FNDC3A: variants seen among roughly 807,000 people sequenced by gnomAD.
The protein encoded by FNDC3A is fibronectin type-III domain-containing protein 3A.
Under a neutral mutation model 148.9 loss-of-function variants are expected in FNDC3A, and 32 were observed. That is an observed-to-expected ratio of 0.21 (90% CI 0.16 to 0.29). The LOEUF (loss-of-function observed/expected upper bound fraction) is 0.29, where lower values mean the gene tolerates loss of function less well. Among genes scored for constraint, FNDC3A ranks in the 10% least tolerant of loss-of-function variants. The pLI is 1.00. For missense variants in FNDC3A, 1,191 were observed against 1,452.8 expected, an observed-to-expected ratio of 0.82 and a Z score of 2.93; for synonymous variants, 472 against 473.6, an observed-to-expected ratio of 1.00 and a Z score of 0.04.
intron 6 of FNDC3A, 33 bp downstream of exon 6, chr13:49,136,634 G>A: frequency 6.3e-7 from 1 of 1,587,270 alleles, no homozygotes; most frequent in Non-Finnish European, 8.6e-7. Context: ...TGTTCTCATT[G>A]ATGCTATTCT....
At chr13:49,163,289 C>T (rs1452180911) in intron 8 of FNDC3A, among the ~76,000 whole-genome samples, 1 of 152,220 alleles carries the variant, frequency 6.6e-6, no homozygotes, top group Non-Finnish European at 1.5e-5. Context: ...GGGCTCCACC[C>T]AGTTTGAGCT....
At chr13:49,162,043 T>C (rs1028115141) in intron 8 of FNDC3A, among the ~76,000 whole-genome samples, 6 of 152,212 alleles carry the variant, frequency 3.9e-5, no homozygotes, top group Non-Finnish European at 5.9e-5. Flanking sequence ...CTTAGCATTT[T>C]TTCCTTCATT....
intron 4 of FNDC3A, among the ~76,000 whole-genome samples, chr13:49,126,828 A>G (rs1881728064): frequency 6.6e-6 from 1 of 152,192 alleles, no homozygotes; most frequent in African/African-American, 2.4e-5. Context: ...TTAACATTTA[A>G]ATTATAGAGT....
At chr13:49,101,104 A>G (rs1879831069) in intron 3 of FNDC3A, among the ~76,000 whole-genome samples, 1 of 152,160 alleles carries the variant, frequency 6.6e-6, no homozygotes, top group Non-Finnish European at 1.5e-5. Flanking sequence ...AGGAGAAGAA[A>G]CAAGGTTTGA....
rs1884619137 is a variant in FNDC3A at position 49,168,895 on chromosome 13, G to A, written c.1176+144G>A. 4 of 755,742 alleles carry A rather than the reference G, an allele frequency of 5.3e-6. No homozygotes were observed. In the African/African-American group the frequency reaches 5.3e-5, roughly 10 times the overall value. The allele number at this position is 755,742 out of a possible 1,614,324, so 46.8% of individuals were successfully genotyped here. A position where few individuals can be genotyped will look rare whatever the true frequency, so the allele number is the denominator to read the frequency against. ...TATAAGACACAAATGCCTATTTAAT[G>A]TATCTTAAAATAGCACTGTTACTGG... On this transcript the variant is annotated intron_variant, in intron 10 of 25. Coordinates refer to ENST00000492622, the MANE Select transcript of FNDC3A (RefSeq NM_001079673.2).
At chr13:49,049,376 A>G (rs1011843399) in intron 2 of FNDC3A, among the ~76,000 whole-genome samples, 2 of 152,254 alleles carry the variant, frequency 1.3e-5, no homozygotes, top group East Asian at 1.9e-4. Flanking sequence ...TCATGTCAGT[A>G]GGATTGGTAC....
chr13:49,020,336 C>CT (rs1198103057), intron 2 of FNDC3A, among the ~76,000 whole-genome samples: 23 of 152,022 alleles, frequency 1.5e-4, no homozygotes, highest in African/African-American at 5.6e-4. Context: ...TAGAACAAAA[C>CT]TAAGAGAGGG....
At chr13:49,202,261 T>C (rs776298058) in intron 24 of FNDC3A, among the ~76,000 whole-genome samples, 34 of 152,168 alleles carry the variant, frequency 2.2e-4, no homozygotes, top group Non-Finnish European at 4.7e-4. Flanking sequence ...GGTCATTTGC[T>C]TAAAGAAAAA....
intron 2 of FNDC3A, among the ~76,000 whole-genome samples, chr13:49,059,457 GTTGT>G (rs1301326808): frequency 2.0e-5 from 3 of 152,276 alleles, no homozygotes; most frequent in East Asian, 3.9e-4. Flanking sequence ...TTTTGTTTTT[GTTGT>G]TTGTTTGTTT....
chr13:49,057,026 T>A (rs987785717), intron 2 of FNDC3A, among the ~76,000 whole-genome samples: 4 of 152,206 alleles, frequency 2.6e-5, no homozygotes, highest in African/African-American at 9.7e-5. Flanking sequence ...GAATTCTCAA[T>A]AACTTGGTTT....
At chr13:49,074,001 T>G (rs890302561) in intron 2 of FNDC3A, among the ~76,000 whole-genome samples, 1 of 151,866 alleles carries the variant, frequency 6.6e-6, no homozygotes, top group Non-Finnish European at 1.5e-5. Context: ...AAACTGTAAT[T>G]TTCAGGGTTG....
intron 2 of FNDC3A, among the ~76,000 whole-genome samples, chr13:49,012,873 A>G (rs562531581): frequency 7.5e-4 from 111 of 147,270 alleles, no homozygotes; most frequent in Non-Finnish European, 1.1e-3. Context: ...TTAGAAATAC[A>G]GTTTATTTTT....
chr13:49,006,625 A>T (rs1952225888), intron 2 of FNDC3A, among the ~76,000 whole-genome samples: 1 of 151,910 alleles, frequency 6.6e-6, no homozygotes, highest in Non-Finnish European at 1.5e-5. Context: ...TGAAATTATG[A>T]TTTTTGCCTA....
chr13:49,120,732 A>T (rs1230516103), intron 4 of FNDC3A, among the ~76,000 whole-genome samples: 1 of 152,158 alleles, frequency 6.6e-6, no homozygotes, highest in Non-Finnish European at 1.5e-5. Context: ...ACCAACAAAG[A>T]TCAAAAAAGA....
intron 14 of FNDC3A, among the ~76,000 whole-genome samples, chr13:49,182,672 G>A (rs1208452691): frequency 6.6e-6 from 1 of 151,880 alleles, no homozygotes; most frequent in East Asian, 1.9e-4. Context: ...TCTTTTTATA[G>A]GTAAAGAGAA....
At chr13:49,023,012 G>GA (rs1873443341) in intron 2 of FNDC3A, among the ~76,000 whole-genome samples, 1 of 151,874 alleles carries the variant, frequency 6.6e-6, no homozygotes, top group Non-Finnish European at 1.5e-5. Flanking sequence ...GGTTGTCCTG[G>GA]AAAAAAATTA....
intron 6 of FNDC3A, among the ~76,000 whole-genome samples, chr13:49,137,439 T>C (rs140254926): frequency 1.4e-3 from 212 of 152,216 alleles, no homozygotes; most frequent in African/African-American, 4.9e-3. Context: ...CCGCCTCCTG[T>C]GTTGAAGCGA....
At chr13:49,066,557 A>G (rs1051072311) in intron 2 of FNDC3A, among the ~76,000 whole-genome samples, 1 of 152,218 alleles carries the variant, frequency 6.6e-6, no homozygotes, top group Non-Finnish European at 1.5e-5. Context: ...ATCATTATAG[A>G]TCTCAGTTTT....
intron 14 of FNDC3A, among the ~76,000 whole-genome samples, chr13:49,179,505 G>A (rs1885200480): frequency 6.6e-6 from 1 of 152,160 alleles, no homozygotes; most frequent in Non-Finnish European, 1.5e-5. Context: ...ACCCATTGGT[G>A]ATACTTGCCT....
Sources: allele counts gnomAD v4.1 joint callset (sites outside exome capture counted in the v4.1 genomes callset), GRCh38; gene constraint gnomAD v4.1.1; transcripts MANE v1.5; gene names NCBI Gene and HGNC (gene_info 2026-07-23, HGNC 2026-07-21).